Variants in HDAC5 observed in about 807,000 individuals in gnomAD.
HDAC5 encodes antigen NY-CO-9.
HDAC5 carries 25 observed loss-of-function variants against 133.3 expected under a neutral mutation model. That is an observed-to-expected ratio of 0.19 (90% CI 0.14 to 0.26). HDAC5 has a LOEUF of 0.26. Among genes scored for constraint, HDAC5 ranks in the 10% least tolerant of loss-of-function variants. HDAC5 has a pLI of 1.00. For synonymous variants in HDAC5, 589 were observed against 610.8 expected, an observed-to-expected ratio of 0.96 and a Z score of 0.53; for missense variants, 1,041 against 1,460.5, an observed-to-expected ratio of 0.71 and a Z score of 4.68.
At chr17:44,112,557 C>T (rs757285205) in intron 2 of HDAC5, among the ~76,000 whole-genome samples, 4 of 152,170 alleles carry the variant, frequency 2.6e-5, no homozygotes, top group Non-Finnish European at 5.9e-5. Flanking sequence ...CACCTGTCCT[C>T]TCTCTGGACT....
At chr17:44,109,249 C>A (rs755958861) in intron 3 of HDAC5, among the ~76,000 whole-genome samples, 1 of 152,224 alleles carries the variant, frequency 6.6e-6, no homozygotes, top group African/African-American at 2.4e-5. Flanking sequence ...CAAGAGACCA[C>A]CTTGAGTCCC....
At position 44,091,496 on chromosome 17, in the gene HDAC5, G is replaced by A; in HGVS notation, c.1165-4C>T. ...GTGTCGACAGCTTCGGGGAGGCCTGGGGGGTGAAGGGAGGGGCTTATACAG... is the reference window on the plus strand; with the variant it reads ...GTGTCGACAGCTTCGGGGAGGCCTGAGGGGTGAAGGGAGGGGCTTATACAG... On this transcript the variant is annotated splice_region_variant and splice_polypyrimidine_tract_variant and intron_variant, in intron 10 of 26. Coordinates refer to ENST00000682912, the MANE Select transcript of HDAC5 (RefSeq NM_005474.5). 1 of 1,546,414 alleles carries A rather than the reference G, an allele frequency of 6.5e-7. No homozygotes were observed. Among genetic ancestry groups the A allele is most frequent in the Non-Finnish European group, 8.7e-7 (1 of 1,150,466 alleles).
intron 1 of HDAC5, among the ~76,000 whole-genome samples, chr17:44,122,619 G>A (rs2053081688): frequency 6.6e-6 from 1 of 152,084 alleles, no homozygotes; most frequent in African/African-American, 2.4e-5. Flanking sequence ...CTCTCCCAAA[G>A]GAAGCACCCA....
At chr17:44,103,326 A>G (rs1279474096) in intron 3 of HDAC5, among the ~76,000 whole-genome samples, 1 of 152,210 alleles carries the variant, frequency 6.6e-6, no homozygotes, top group Non-Finnish European at 1.5e-5. Flanking sequence ...ATTTCCACAT[A>G]GGCAAGCTGG....
chr17:44,092,570 A>G (rs1179761162), intron 7 of HDAC5, 43 bp from the exon 8 acceptor site: 2 of 1,589,924 alleles, frequency 1.3e-6, no homozygotes, highest in East Asian at 2.3e-5. Context: ...GCACAGCAGC[A>G]CACATCTGCA....
chr17:44,104,803 CCCACTG>C (rs67201411), intron 3 of HDAC5, among the ~76,000 whole-genome samples: 33,131 of 151,892 alleles, frequency 0.22, 4,766 homozygotes, highest in East Asian at 0.64. Context: ...CTCACTGAGC[CCCACTG>C]CAGGTGACAC....
intron 2 of HDAC5, among the ~76,000 whole-genome samples, chr17:44,116,383 T>G (rs1045535281): frequency 6.6e-6 from 1 of 152,060 alleles, no homozygotes; most frequent in African/African-American, 2.4e-5. Context: ...AGGGGCTGAA[T>G]GAGGGCAAGG....
intron 8 of HDAC5, 41 bp downstream of exon 8, chr17:44,092,340 T>A (rs767073674): frequency 4.3e-6 from 7 of 1,611,676 alleles, no homozygotes; most frequent in Non-Finnish European, 5.1e-6. Flanking sequence ...CGACCCCTGA[T>A]TCCCAGACCC....
chr17:44,117,420 G>C lies in HDAC5; in HGVS notation c.22+74C>G. ...TCAGACAGTAAAGGTCAGCTGGCCT[G>C]GAAGGGAAACCCACACAGCCCATTG... On this transcript the variant is annotated intron_variant, in intron 2 of 26. Transcript: ENST00000682912. This position sits in a 1 kb window ranked among gnomAD's most constrained non-coding sequence, Gnocchi z 4.2. 1 of 1,515,722 alleles carries C rather than the reference G, an allele frequency of 6.6e-7. No individual in the cohort carries two copies. Among genetic ancestry groups the C allele is most frequent in the East Asian group, 2.3e-5 (1 of 44,400 alleles). The allele number at this position is 1,515,722 out of a possible 1,614,324, so 93.9% of individuals were successfully genotyped here. A position where few individuals can be genotyped will look rare whatever the true frequency, so the allele number is the denominator to read the frequency against.
intron 2 of HDAC5, among the ~76,000 whole-genome samples, chr17:44,113,475 CTTTT>C (rs1183164019): frequency 6.6e-6 from 1 of 152,160 alleles, no homozygotes; most frequent in Non-Finnish European, 1.5e-5. Flanking sequence ...GGACAAATGT[CTTTT>C]TTTCTTCTGA....
In HDAC5 at chr17:44,079,141, T is replaced by C. The variant is rs761121435; in HGVS notation, c.3078+3A>G. ...CACCTCCCAGCTCCTTCCCACCCCTTACCTCTACACTGAGCAGAGCCGAGA... is the reference window on the plus strand; with the variant it reads ...CACCTCCCAGCTCCTTCCCACCCCTCACCTCTACACTGAGCAGAGCCGAGA... On this transcript the variant is annotated splice_donor_region_variant and intron_variant, in intron 24 of 26. Transcript: ENST00000682912. 3 of 1,610,606 alleles carry C rather than the reference T, an allele frequency of 1.9e-6. No homozygotes were observed. Among genetic ancestry groups the C allele is most frequent in the Admixed American group, 1.7e-5 (1 of 59,824 alleles).
intron 11 of HDAC5, among the ~76,000 whole-genome samples, chr17:44,089,837 C>T (rs1567994158): frequency 2.0e-5 from 3 of 146,694 alleles, no homozygotes; most frequent in African/African-American, 7.5e-5. Context: ...AGCAAAAGAA[C>T]CGCTTGAAGC....
In HDAC5 at chr17:44,080,457, T is replaced by G. The variant is rs1220542434; in HGVS notation, c.2769A>C (p.Ala923=). Residue 923 remains alanine (A), a synonymous_variant, in exon 22 of 27, where the codon GCA becomes GCC. Coordinates refer to ENST00000682912, the MANE Select transcript of HDAC5 (RefSeq NM_005474.5). The stretch of plus-strand genomic sequence containing the variant: ...TGGGGGGGTCCACACCTCCTGTCCA[T>G]GCCACGTTCACATTGTACCCCACGC... ...GPGVGYNVNV[A]WTGGVDPPIG... 4 of 1,614,146 alleles carry G rather than the reference T, an allele frequency of 2.5e-6. No homozygotes were observed. The South Asian group carries it at 4.4e-5, about 18-fold the overall frequency.
intron 12 of HDAC5, 142 bp from the exon 13 acceptor site, chr17:44,087,838 T>A: frequency 9.7e-7 from 1 of 1,028,284 alleles, no homozygotes; most frequent in Non-Finnish European, 1.3e-6. Flanking sequence ...AGGTAGCTCC[T>A]CTGAGAGGAC....
rs758548094 is a variant in HDAC5, at chr17:44,086,603, T to C, written c.2019A>G (p.Pro673=). The C allele has an allele frequency of 2.3e-6, 3 of 1,304,606 alleles. No homozygotes were observed. Among genetic ancestry groups the C allele is most frequent in the Admixed American group, 3.2e-5 (1 of 31,424 alleles). 80.8% of individuals were successfully genotyped at this position (1,304,606 alleles called of 1,614,324 possible). ...PAAPGGMKSP[P]DQPVKHLFTT... Reference sequence around the variant, plus strand: ...TGAAGAGGTGCTTGACGGGCTGGTCTGGGGGGCTCTTCATGCCCCCAGGGG... The same window carrying C: ...TGAAGAGGTGCTTGACGGGCTGGTCCGGGGGGCTCTTCATGCCCCCAGGGG... Residue 673 remains proline, a synonymous_variant, in exon 14 of 27, where the codon CCA becomes CCG. Coordinates refer to ENST00000682912, the MANE Select transcript of HDAC5 (RefSeq NM_005474.5).
At position 44,117,612 on chromosome 17, in the gene HDAC5, CGGACG is replaced by C; in HGVS notation, c.-102_-98del. On this transcript the variant is annotated 5_prime_UTR_variant, in exon 2 of 27. It removes the in-frame stop codon of an upstream open reading frame in the 5' UTR. Coordinates refer to ENST00000682912, the MANE Select transcript of HDAC5 (RefSeq NM_005474.5). The surrounding 1 kb of genome is among the most constrained non-coding windows in gnomAD (Gnocchi z 4.2). ...AGAGAGACAGACGATAACAGACAGA[CGGACG>C]GGACGGGAGCCCGGGGCCGCCGTGC... 6.9e-7 allele frequency: 1 copy of C among 1,445,468 alleles called. No individual in the cohort carries two copies. The highest frequency in any genetic ancestry group is 9.6e-7 in the Non-Finnish European group (1 of 1,038,762). 89.5% of individuals were successfully genotyped at this position (1,445,468 alleles called of 1,614,324 possible).
rs554911539 is a variant in HDAC5 at position 44,087,906 on chromosome 17, C to T, written c.1600-210G>A. Among the ~76,000 whole-genome samples, 15 of 152,124 alleles carry T rather than the reference C, an allele frequency of 9.9e-5. No homozygotes were observed. In the South Asian group the frequency reaches 2.7e-3, roughly 27 times the overall value. ...TCGCCCAGCCTGGCATGCAGTGGCACGATCTCGGCTCACTGCAACCTCCGC... is the reference window on the plus strand; with the variant it reads ...TCGCCCAGCCTGGCATGCAGTGGCATGATCTCGGCTCACTGCAACCTCCGC... On this transcript the variant is annotated intron_variant, in intron 12 of 26. Transcript: ENST00000682912.
At position 44,080,439 on chromosome 17, in the gene HDAC5, G is replaced by T. The variant is rs756471886; in HGVS notation, c.2787C>A (p.Asp929Glu). Residue 929 changes from aspartate to glutamate, a missense_variant, in exon 22 of 27, where the codon GAC (aspartate) becomes GAA (glutamate). By Grantham distance (45) the Asp-to-Glu change is conservative. This residue lies in a region of HDAC5 where 174 missense variants were observed against 352.7 expected (regional missense o/e 0.49). Coordinates refer to ENST00000682912, the MANE Select transcript of HDAC5 (RefSeq NM_005474.5). Reference protein sequence around the residue: ...NVNVAWTGGVDPPIGDVEYLT... With the variant: ...NVNVAWTGGVEPPIGDVEYLT... The stretch of plus-strand genomic sequence containing the variant: ...GGTACTCCACGTCTCCAATGGGGGG[G>T]TCCACACCTCCTGTCCATGCCACGT... 6.2e-7 allele frequency: 1 copy of T among 1,614,128 alleles called. No homozygotes were observed. The highest frequency in any genetic ancestry group is 1.1e-5 in the South Asian group (1 of 91,090).
chr17:44,108,650 G>A (rs1055701987), intron 3 of HDAC5, among the ~76,000 whole-genome samples: 17 of 151,364 alleles, frequency 1.1e-4, no homozygotes, highest in African/African-American at 1.7e-4. Context: ...GGAAACACCA[G>A]GCTGCCTGGG....
Sources: gnomAD v4.1 joint callset for allele counts (sites outside exome capture counted in the v4.1 genomes callset) on GRCh38, gnomAD v4.1.1 for gene constraint, gnomAD v4.1.1 regional missense constraint, Gnocchi (gnomAD v3.1) non-coding constraint, MANE v1.5 for transcripts, NCBI Gene and HGNC (gene_info 2026-07-23, HGNC 2026-07-21) for gene names.